Variants in PDE1A observed in about 807,000 individuals in gnomAD.
PDE1A encodes the protein phosphodiesterase 1A, also known as dual specificity calcium/calmodulin-dependent 3',5'-cyclic nucleotide phosphodiesterase 1A.
Under a neutral mutation model 61.7 loss-of-function variants are expected in PDE1A, and 35 were observed. The ratio of observed to expected loss-of-function variants is 0.57; its 90% CI spans 0.43 to 0.75. PDE1A has a LOEUF of 0.75. Ranked by LOEUF, PDE1A falls within the 30% of genes least tolerant of loss-of-function variation. PDE1A has a pLI of 0.00. For missense variants in PDE1A, 597 were observed against 630.6 expected, an observed-to-expected ratio of 0.95 and a Z score of 0.57; for synonymous variants, 232 against 213.2, an observed-to-expected ratio of 1.09 and a Z score of -0.77.
chr2:182,538,622 T>C, the PDE1A span, among the ~76,000 whole-genome samples: 2 of 152,330 alleles, frequency 1.3e-5, no homozygotes, highest in Admixed American at 1.3e-4. Context: ...ATTATGTAAA[T>C]ATCTTATGAA....
At chr2:182,422,153 C>T (rs1197489100) in intron 1 of PDE1A, among the ~76,000 whole-genome samples, 4 of 152,108 alleles carry the variant, frequency 2.6e-5, no homozygotes, top group Admixed American at 2.6e-4. Flanking sequence ...CAATTACAGG[C>T]CTAATAAGGA....
the PDE1A span, among the ~76,000 whole-genome samples, chr2:182,679,288 A>T: frequency 6.7e-6 from 1 of 149,606 alleles, no homozygotes; most frequent in African/African-American, 2.5e-5. Flanking sequence ...GGTTAACGTC[A>T]TTCTCCAGCC....
At chr2:182,681,509 A>C in the PDE1A span, among the ~76,000 whole-genome samples, 2 of 151,600 alleles carry the variant, frequency 1.3e-5, no homozygotes, top group Non-Finnish European at 2.9e-5. Context: ...CACAAAAAAA[A>C]CCTGACAGCT....
chr2:182,506,590 T>TA (rs1445301643), intron 2 of PDE1A, among the ~76,000 whole-genome samples: 1 of 152,250 alleles, frequency 6.6e-6, no homozygotes, highest in African/African-American at 2.4e-5. Context: ...CTTATGAATG[T>TA]AAAAATTGAA....
At chr2:182,581,794 CTCAACCAGAACGTGAGCTGA>C in the PDE1A span, among the ~76,000 whole-genome samples, 1 of 152,144 alleles carries the variant, frequency 6.6e-6, no homozygotes, top group Non-Finnish European at 1.5e-5. Flanking sequence ...TCACTAGAGA[CTCAACCAGAACGTGAGCTGA>C]TCTCAATCCA....
At chr2:182,713,685 G>C in the PDE1A span, among the ~76,000 whole-genome samples, 1 of 152,098 alleles carries the variant, frequency 6.6e-6, no homozygotes, top group Non-Finnish European at 1.5e-5. Context: ...CAATCCATCT[G>C]TGCTCTTGAC....
At chr2:182,360,607 G>A (rs909271308) in intron 1 of PDE1A, among the ~76,000 whole-genome samples, 2 of 150,266 alleles carry the variant, frequency 1.3e-5, no homozygotes, top group Non-Finnish European at 3.0e-5. Context: ...GGCCTATGAC[G>A]CATGTAGAGA....
At chr2:182,253,720 A>G (rs147203597) in intron 2 of PDE1A, among the ~76,000 whole-genome samples, 1,691 of 152,266 alleles carry the variant, frequency 0.011, 34 homozygotes, top group South Asian at 0.089. Flanking sequence ...AAAAGGGAGT[A>G]AATAATTAGG....
chr2:182,449,049 T>TACACACAC (rs200893342), intron 2 of PDE1A, among the ~76,000 whole-genome samples: 1,378 of 90,644 alleles, frequency 0.015, 20 homozygotes, highest in African/African-American at 0.04. Context: ...ATCATACACA[T>TACACACAC]ACACACACAC....
At chr2:182,689,934 A>C in the PDE1A span, among the ~76,000 whole-genome samples, 1 of 152,230 alleles carries the variant, frequency 6.6e-6, no homozygotes. Context: ...ATTTAGAAGA[A>C]ATGGATAAAT....
chr2:182,423,811 T>C (rs1222920910), intron 1 of PDE1A, among the ~76,000 whole-genome samples: 1 of 152,022 alleles, frequency 6.6e-6, no homozygotes, highest in Non-Finnish European at 1.5e-5. Flanking sequence ...AAGTGGACAC[T>C]TGTAGTCAAT....
upstream of PDE1A, among the ~76,000 whole-genome samples, chr2:182,525,870 CCATT>C (rs1235215476): frequency 6.6e-6 from 1 of 151,910 alleles, no homozygotes; most frequent in Non-Finnish European, 1.5e-5. Flanking sequence ...AGAAAGCATA[CCATT>C]CAAATACTCG....
the PDE1A span, chr2:182,716,300 C>G: frequency 2.6e-5 from 4 of 152,386 alleles, no homozygotes; most frequent in Admixed American, 6.5e-5. Flanking sequence ...CCTACCGGTA[C>G]CGGCCGCGCG....
chr2:182,353,742 C>A (rs1052890363), intron 1 of PDE1A, among the ~76,000 whole-genome samples: 9 of 152,044 alleles, frequency 5.9e-5, no homozygotes, highest in African/African-American at 2.2e-4. Context: ...GAATAAAATA[C>A]TCACTACATT....
the PDE1A span, among the ~76,000 whole-genome samples, chr2:182,568,515 A>G: frequency 6.6e-6 from 1 of 152,070 alleles, no homozygotes; most frequent in African/African-American, 2.4e-5. Context: ...AAATACAGAA[A>G]GTTAGCCAGG....
At chr2:182,189,870 T>C (rs564201864) in intron 10 of PDE1A, among the ~76,000 whole-genome samples, 3 of 152,238 alleles carry the variant, frequency 2.0e-5, no homozygotes, top group Non-Finnish European at 4.4e-5. Flanking sequence ...GAGAGGATAC[T>C]TCCTTGTTCT....
chr2:182,682,169 C>T, the PDE1A span, among the ~76,000 whole-genome samples: 5 of 152,114 alleles, frequency 3.3e-5, no homozygotes, highest in Non-Finnish European at 7.3e-5. Flanking sequence ...GAGATTGTTA[C>T]GGAATACCAG....
At chr2:182,646,640 C>T in the PDE1A span, among the ~76,000 whole-genome samples, 5 of 151,190 alleles carry the variant, frequency 3.3e-5, no homozygotes, top group Non-Finnish European at 7.4e-5. Flanking sequence ...GCCGAGATCG[C>T]GCCACTGCAC....
intron 1 of PDE1A, among the ~76,000 whole-genome samples, chr2:182,268,729 T>C (rs899154596): frequency 1.3e-5 from 2 of 152,158 alleles, no homozygotes; most frequent in African/African-American, 4.8e-5. Context: ...CATTTGTTAC[T>C]GTCTTAAATT....
Sources: gnomAD v4.1 joint callset for allele counts (sites outside exome capture counted in the v4.1 genomes callset) on GRCh38, gnomAD v4.1.1 for gene constraint, MANE v1.5 for transcripts, NCBI Gene and HGNC (gene_info 2026-07-23, HGNC 2026-07-21) for gene names.